RNF217: variants seen among roughly 807,000 people sequenced by gnomAD.
The protein encoded by RNF217 is E3 ubiquitin-protein ligase RNF217.
RNF217 carries 31 observed loss-of-function variants against 57.8 expected under a neutral mutation model. That is an observed-to-expected ratio of 0.54 (90% confidence interval 0.40 to 0.72). The LOEUF is 0.72. Ranked by LOEUF, RNF217 falls within the 30% of genes least tolerant of loss-of-function variation. The pLI is 0.00. For missense variants in RNF217, 696 were observed against 708.3 expected, an observed-to-expected ratio of 0.98 and a Z score of 0.20; for synonymous variants, 313 against 294.0, an observed-to-expected ratio of 1.06 and a Z score of -0.66.
chr6:125,005,205 G>A (rs1785133519), intron 1 of RNF217, among the ~76,000 whole-genome samples: 1 of 152,148 alleles, frequency 6.6e-6, no homozygotes, highest in South Asian at 2.1e-4. Context: ...AACCATAACA[G>A]GCCTGTATGT....
intron 1 of RNF217, chr6:125,009,123 A>G: frequency 3.8e-6 from 4 of 1,058,718 alleles, no homozygotes; most frequent in African/African-American, 1.6e-5. Context: ...GTATGTATAA[A>G]GGGATTTGTT....
At chr6:124,986,325 G>A (rs1784363036) in intron 1 of RNF217, among the ~76,000 whole-genome samples, 1 of 152,136 alleles carries the variant, frequency 6.6e-6, no homozygotes, top group Admixed American at 6.5e-5. Context: ...CCCACATCAA[G>A]AAAGTTTTGT....
intron 2 of RNF217, among the ~76,000 whole-genome samples, chr6:125,050,391 A>C (rs1787264055): frequency 6.6e-6 from 1 of 151,976 alleles, no homozygotes; most frequent in African/African-American, 2.4e-5. Context: ...CCCCAGGTGA[A>C]AGAAAAAAGC....
At chr6:125,038,673 A>G (rs1252211547) in intron 1 of RNF217, among the ~76,000 whole-genome samples, 1 of 152,166 alleles carries the variant, frequency 6.6e-6, no homozygotes, top group Non-Finnish European at 1.5e-5. Flanking sequence ...CCAATTTGCT[A>G]GAAGACTATC....
intron 1 of RNF217, among the ~76,000 whole-genome samples, chr6:125,004,096 G>C (rs749062522): frequency 2.8e-4 from 43 of 152,002 alleles, no homozygotes; most frequent in Non-Finnish European, 5.4e-4. Context: ...CATCAAATAA[G>C]GTTGCCTTTC....
intron 3 of RNF217, among the ~76,000 whole-genome samples, chr6:125,068,464 T>C (rs1349358526): frequency 6.6e-6 from 1 of 152,198 alleles, no homozygotes; most frequent in Non-Finnish European, 1.5e-5. Flanking sequence ...GTCTTCATAC[T>C]TTCTACTTTT....
intron 1 of RNF217, among the ~76,000 whole-genome samples, chr6:124,999,861 TTAAAC>T (rs1367588932): frequency 2.3e-4 from 35 of 152,324 alleles, no homozygotes; most frequent in African/African-American, 7.2e-4. Context: ...TAAACAGCTA[TTAAAC>T]TATTAAATAA....
intron 1 of RNF217, among the ~76,000 whole-genome samples, chr6:124,976,275 C>T (rs35355221): frequency 0.34 from 41,635 of 124,256 alleles, 7,254 homozygotes; most frequent in South Asian, 0.55. Flanking sequence ...CCCTCCCTCC[C>T]GCTCTCTCTC....
intron 1 of RNF217, among the ~76,000 whole-genome samples, chr6:125,042,948 G>T (rs755545073): frequency 6.6e-6 from 1 of 152,018 alleles, no homozygotes; most frequent in African/African-American, 2.4e-5. Context: ...AGTGCCTCTC[G>T]AGGTGGCCCA....
intron 1 of RNF217, among the ~76,000 whole-genome samples, chr6:124,978,193 A>G (rs1277234592): frequency 6.6e-6 from 1 of 152,012 alleles, no homozygotes; most frequent in Non-Finnish European, 1.5e-5. Context: ...GGCCATGTAT[A>G]TGAATAAATT....
intron 1 of RNF217, among the ~76,000 whole-genome samples, chr6:124,979,431 G>A (rs1784078675): frequency 6.6e-6 from 1 of 152,190 alleles, no homozygotes; most frequent in Admixed American, 6.5e-5. Context: ...TAGAAAGGCA[G>A]TGTGGCAAAT....
intron 3 of RNF217, among the ~76,000 whole-genome samples, chr6:125,075,718 TAA>T (rs1485437265): frequency 1.3e-5 from 2 of 152,198 alleles, no homozygotes; most frequent in Non-Finnish European, 2.9e-5. Flanking sequence ...TAAATAATGT[TAA>T]GTTAAACTAT....
chr6:125,080,000 A>G (rs374570438), intron 4 of RNF217, among the ~76,000 whole-genome samples: 4 of 152,070 alleles, frequency 2.6e-5, no homozygotes, highest in African/African-American at 9.7e-5. Flanking sequence ...CGTTCCTTCA[A>G]TTCTGTGATA....
At chr6:124,972,615 CT>C (rs1440648309) in intron 1 of RNF217, among the ~76,000 whole-genome samples, 18 of 152,066 alleles carry the variant, frequency 1.2e-4, no homozygotes, top group African/African-American at 4.1e-4. Flanking sequence ...TTTTTTTCTT[CT>C]TTGAATGCTC....
chr6:125,073,706 G>T (rs1788240996), intron 3 of RNF217, among the ~76,000 whole-genome samples: 1 of 152,096 alleles, frequency 6.6e-6, no homozygotes, highest in Non-Finnish European at 1.5e-5. Context: ...ATCAGCCTAA[G>T]AATTGCCCAT....
At chr6:125,026,603 T>G (rs1786094080) in intron 1 of RNF217, among the ~76,000 whole-genome samples, 1 of 152,178 alleles carries the variant, frequency 6.6e-6, no homozygotes, top group African/African-American at 2.4e-5. Flanking sequence ...ATTCCTGTTT[T>G]GGGGAAGATA....
Position 125,076,684 on chromosome 6 carries a change from G to T in RNF217, c.1309G>T (p.Asp437Tyr). Residue 437 changes from aspartate to tyrosine, a missense_variant, in exon 4 of 6, where the codon GAC becomes TAC. Around this residue, in one of 2 missense-constraint regions of RNF217, gnomAD observed 231 missense variants for 321.4 expected, o/e 0.72. Transcript: ENST00000521654. ...KIHIQRTEGC[D>Y]HMTCSQCNTN... ...CCACATCCAGCGAACTGAAGGATGT[G>T]ACCATATGACCTGCTCACAATGTAA... 1 of 1,612,610 alleles carries T rather than the reference G, an allele frequency of 6.2e-7. No individual in the cohort carries two copies. The highest frequency in any genetic ancestry group is 8.5e-7 in the Non-Finnish European group (1 of 1,178,898).
At chr6:125,078,206 A>C (rs1296762480) in intron 4 of RNF217, among the ~76,000 whole-genome samples, 1 of 152,196 alleles carries the variant, frequency 6.6e-6, no homozygotes, top group African/African-American at 2.4e-5. Flanking sequence ...TATTGGAGGG[A>C]TAACTAGGGA....
At chr6:124,985,216 A>G (rs563457866) in intron 1 of RNF217, among the ~76,000 whole-genome samples, 11 of 152,334 alleles carry the variant, frequency 7.2e-5, no homozygotes, top group Admixed American at 3.3e-4. Flanking sequence ...TTGTTCCCAG[A>G]AAAACTCCTG....
Sources: allele counts gnomAD v4.1 joint callset (sites outside exome capture counted in the v4.1 genomes callset), GRCh38; gene constraint gnomAD v4.1.1; regional missense constraint gnomAD v4.1.1; transcripts MANE v1.5; gene names NCBI Gene and HGNC (gene_info 2026-07-23, HGNC 2026-07-21).